Variants in SCYL3 observed in about 807,000 individuals in gnomAD.
SCYL3 encodes the protein SCY1 like pseudokinase 3.
Under a neutral mutation model 73.8 loss-of-function variants are expected in SCYL3, and 35 were observed. That is an observed-to-expected ratio of 0.47 (90% CI 0.36 to 0.63). The LOEUF is 0.63. SCYL3 is among the 20% of genes least tolerant of loss of function. The pLI is 0.00. For missense variants in SCYL3, 712 were observed against 798.9 expected (o/e 0.89, Z 1.31); for synonymous variants, 277 against 295.2 (o/e 0.94, Z 0.63).
chr1:169,886,179 C>T (rs543289002), intron 2 of SCYL3, among the ~76,000 whole-genome samples: 32 of 152,112 alleles, frequency 2.1e-4, no homozygotes, highest in African/African-American at 6.5e-4. Context: ...GGTGTGTCGG[C>T]GCGTGCCTGT....
intron 10 of SCYL3, among the ~76,000 whole-genome samples, chr1:169,859,548 A>G (rs1294746964): frequency 6.6e-6 from 1 of 152,254 alleles, no homozygotes; most frequent in Non-Finnish European, 1.5e-5. Context: ...TGTAATAAAA[A>G]GTTCATGTAC....
chr1:169,873,323 G>A lies in SCYL3; in HGVS notation c.522+373C>T, dbSNP rs1263994957. 2.0e-5 allele frequency among the ~76,000 whole-genome samples: 3 copies of A among 152,168 alleles called. No individual in the cohort carries two copies. In the East Asian group the frequency reaches 5.8e-4, roughly 29 times the overall value. ...TTTCACCTTCCGCCATGATTGTGAG[G>A]CCTCCCCAGCCACATGGAACTGTTA... On this transcript the variant is annotated intron_variant, in intron 5 of 12. Coordinates refer to ENST00000367771, the MANE Select transcript of SCYL3 (RefSeq NM_020423.7).
intron 2 of SCYL3, among the ~76,000 whole-genome samples, chr1:169,885,816 A>T (rs1003827747): frequency 1.3e-5 from 2 of 152,110 alleles, no homozygotes; most frequent in African/African-American, 4.8e-5. Flanking sequence ...GGCAGGTTGG[A>T]TGGTTATTAA....
intron 5 of SCYL3, among the ~76,000 whole-genome samples, chr1:169,872,778 T>G (rs1459758970): frequency 6.6e-6 from 1 of 151,122 alleles, no homozygotes. Context: ...AGCTTTAAGA[T>G]TTGACTGCCT....
upstream of SCYL3, chr1:169,894,096 C>T (rs971063343): frequency 6.6e-6 from 1 of 152,330 alleles, no homozygotes; most frequent in Admixed American, 6.5e-5. Context: ...GTTTCACTCA[C>T]TGCCCCAGTG....
intron 10 of SCYL3, 114 bp from the exon 11 acceptor site, chr1:169,859,326 T>A: frequency 4.1e-6 from 4 of 984,574 alleles, no homozygotes; most frequent in Non-Finnish European, 5.8e-6. Context: ...TACATTATCT[T>A]AGATATGTGT....
chr1:169,849,871 C>A lies in SCYL3; in HGVS notation c.*3842G>T, dbSNP rs1657883974. 4.1e-6 allele frequency: 2 copies of A among 489,750 alleles called. No individual in the cohort carries two copies. Among genetic ancestry groups the A allele is most frequent in the African/African-American group, 1.9e-5 (1 of 51,982 alleles). The allele number at this position is 489,750 out of a possible 1,614,324, so 30.3% of individuals were successfully genotyped here. A position where few individuals can be genotyped will look rare whatever the true frequency, so the allele number is the denominator to read the frequency against. On this transcript the variant is annotated 3_prime_UTR_variant, in exon 13 of 13. Coordinates refer to ENST00000367771, the MANE Select transcript of SCYL3 (RefSeq NM_020423.7). Reference sequence around the variant, plus strand: ...TGATACAGACAGACACAGACACAGTCTTCCAGCAGATAGTATTTTTGGGTC... The same window carrying A: ...TGATACAGACAGACACAGACACAGTATTCCAGCAGATAGTATTTTTGGGTC...
In SCYL3 at chr1:169,878,836, C is replaced by A; in HGVS notation, c.166-17G>T. ...CTTCAAATGCTTTAAAAATACAAAC[C>A]GAAGAGCTGAAGTTAATGACCCCAA... is the stretch of plus-strand genomic sequence containing the variant. On this transcript the variant is annotated splice_polypyrimidine_tract_variant and intron_variant, in intron 2 of 12. Transcript: ENST00000367771. 1.3e-6 allele frequency: 2 copies of A among 1,595,092 alleles called. No individual in the cohort carries two copies. Among genetic ancestry groups the A allele is most frequent in the Non-Finnish European group, 1.7e-6 (2 of 1,171,540 alleles).
rs58984684 is a variant in SCYL3 at position 169,851,045 on chromosome 1, C to CTTTTTTTT, written c.*2660_*2667dup. 11 of 17,306 alleles carry CTTTTTTTT rather than the reference C, an allele frequency of 6.4e-4. 2 individuals carry two copies. The highest frequency in any genetic ancestry group is 8.3e-4 in the Non-Finnish European group (8 of 9,624). The allele number at this position is 17,306 out of a possible 1,614,324, so 1.1% of individuals were successfully genotyped here. On this transcript the variant is annotated 3_prime_UTR_variant, in exon 13 of 13. Transcript: ENST00000367771. Reference sequence around the variant, plus strand: ...CCCAAGCCAGGGTAAGCTCAGGGCCCTTTTTTTTTTTTTTTTTTTTTTTTT... The same window carrying CTTTTTTTT: ...CCCAAGCCAGGGTAAGCTCAGGGCCCTTTTTTTTTTTTTTTTTTTTTTTTTTTTTTTTT...
chr1:169,876,030 C>T lies in SCYL3; in HGVS notation c.413G>A (p.Trp138Ter). ...SSVFVSEDGH[W>*]KLGGMETVCK... ...AACAGTTTCCATTCCTCCTAGCTTC[C>T]AGTGTCCATCTTCACTCACAAACAC... Residue 138 changes from tryptophan to a stop codon, truncating the protein, a stop_gained, in exon 4 of 13, where the codon TGG becomes TAG. Coordinates refer to ENST00000367771, the MANE Select transcript of SCYL3 (RefSeq NM_020423.7). LOFTEE classifies it high-confidence loss of function. 6.2e-7 allele frequency: 1 copy of T among 1,612,186 alleles called. No homozygotes were observed. Among genetic ancestry groups the T allele is most frequent in the Non-Finnish European group, 8.5e-7 (1 of 1,179,244 alleles).
intron 2 of SCYL3, among the ~76,000 whole-genome samples, chr1:169,882,339 C>T (rs1203735974): frequency 2.0e-5 from 3 of 152,350 alleles, no homozygotes; most frequent in East Asian, 3.9e-4. Flanking sequence ...GCCTTAGCTG[C>T]CTTCCCACGG....
intron 1 of SCYL3, among the ~76,000 whole-genome samples, 185 bp downstream of exon 1, chr1:169,893,603 G>A (rs566788181): frequency 6.6e-6 from 1 of 151,920 alleles, no homozygotes; most frequent in African/African-American, 2.4e-5. Context: ...GCAAGGGGAG[G>A]CTGCTCCGAA....
At chr1:169,879,368 G>A (rs919659762) in intron 2 of SCYL3, among the ~76,000 whole-genome samples, 1 of 152,190 alleles carries the variant, frequency 6.6e-6, no homozygotes, top group Admixed American at 6.5e-5. Context: ...AGTATGAGGA[G>A]GGTATCCCAG....
At chr1:169,854,040 TC>T (rs1480853315) in intron 12 of SCYL3, 1 of 566,120 alleles carries the variant, frequency 1.8e-6, no homozygotes, top group Non-Finnish European at 3.0e-6. Flanking sequence ...CCCTTTTTTT[TC>T]TTTTTCAAAT....
chr1:169,890,247 G>A (rs987637236), intron 1 of SCYL3, among the ~76,000 whole-genome samples: 15 of 152,220 alleles, frequency 9.9e-5, no homozygotes, highest in African/African-American at 2.9e-4. Context: ...ATTTTTCAAT[G>A]TTGAATCAAA....
chr1:169,855,916 A>G (rs1341965666), intron 11 of SCYL3: 1 of 1,613,968 alleles, frequency 6.2e-7, no homozygotes, highest in South Asian at 1.1e-5. Context: ...AAGATTGGCG[A>G]GATCTGACTG....
In SCYL3 at chr1:169,876,001, TACAA is replaced by T. The variant is rs1283610806; in HGVS notation, c.438_441del (p.Cys147LysfsTer10). On this transcript the variant is annotated frameshift_variant, in exon 4 of 13. Coordinates refer to ENST00000367771, the MANE Select transcript of SCYL3 (RefSeq NM_020423.7). LOFTEE classifies it high-confidence loss of function. The stretch of plus-strand genomic sequence containing the variant: ...ACCTCTGGTGTGGCCTGAGAAACTT[TACAA>T]ACAGTTTCCATTCCTCCTAGCTTCC... The T allele has an allele frequency of 5.6e-6, 9 of 1,611,224 alleles. No individual in the cohort carries two copies. The highest frequency in any genetic ancestry group is 1.1e-5 in the South Asian group (1 of 90,546).
rs1658353434 is a variant in SCYL3 at position 169,851,627 on chromosome 1, T to C, written c.*2086A>G. The C allele has an allele frequency of 1.5e-6, 1 of 679,084 alleles. No homozygotes were observed. Among genetic ancestry groups the C allele is most frequent in the Non-Finnish European group, 2.4e-6 (1 of 414,632 alleles). 42.1% of individuals were successfully genotyped at this position (679,084 alleles called of 1,614,324 possible). ...GCAAAGACAACTCTATAACTAACTA[T>C]TTTGTAAGGAAGAACACAGTAGAGT... On this transcript the variant is annotated 3_prime_UTR_variant, in exon 13 of 13. Coordinates refer to ENST00000367771, the MANE Select transcript of SCYL3 (RefSeq NM_020423.7).
intron 4 of SCYL3, among the ~76,000 whole-genome samples, chr1:169,875,376 A>C (rs1660721578): frequency 6.6e-6 from 1 of 152,230 alleles, no homozygotes; most frequent in Non-Finnish European, 1.5e-5. Flanking sequence ...AGAAAGGTTC[A>C]TCAACCTGGG....
Sources: gnomAD v4.1 joint callset for allele counts (sites outside exome capture counted in the v4.1 genomes callset) on GRCh38, gnomAD v4.1.1 for gene constraint, MANE v1.5 for transcripts, NCBI Gene and HGNC (gene_info 2026-07-23, HGNC 2026-07-21) for gene names.